Variants in ANKMY1 observed in about 807,000 individuals in gnomAD.
The protein encoded by ANKMY1 is ankyrin repeat and MYND domain containing 1.
In ANKMY1, 98 loss-of-function variants were observed where a neutral mutation model predicts 102.0. The observed-to-expected ratio is 0.96, with a 90% CI of 0.82 to 1.14. The LOEUF (loss-of-function observed/expected upper bound fraction) is 1.14, where lower values mean the gene tolerates loss of function less well. Ranked by LOEUF, ANKMY1 falls within the 50% of genes most tolerant of loss-of-function variation. The pLI, the probability that ANKMY1 is intolerant of heterozygous loss-of-function variation, is 0.00. For synonymous variants in ANKMY1, 582 were observed against 559.9 expected (o/e 1.04, Z -0.56); for missense variants, 1,330 against 1,347.6 (o/e 0.99, Z 0.20).
chr2:240,552,741 CTTTTA>C, intron 4 of ANKMY1, 168 bp downstream of exon 4: 1 of 1,021,408 alleles, frequency 9.8e-7, no homozygotes, highest in Non-Finnish European at 1.4e-6. Context: ...TGCAAGGAGG[CTTTTA>C]TTTTCAGTCT....
At chr2:240,538,961 T>G (rs944374966) in intron 4 of ANKMY1, among the ~76,000 whole-genome samples, 1 of 152,172 alleles carries the variant, frequency 6.6e-6, no homozygotes, top group African/African-American at 2.4e-5. Context: ...CAATCAGCAC[T>G]CTGTGTCTTG....
At position 240,509,054 on chromosome 2, in the gene ANKMY1, G is replaced by A. The variant is rs574413007; in HGVS notation, c.2394+294C>T. ...GGTGGAAGGATGGATGAATGGATGA[G>A]TGGAGGGTAGATGGATGGGTGAGTA... On this transcript the variant is annotated intron_variant, in intron 12 of 17. Transcript: ENST00000401804. Among the ~76,000 whole-genome samples the A allele has an allele frequency of 6.7e-4, 102 of 152,046 alleles. 2 individuals carry two copies. The South Asian group carries it at 0.021, about 31-fold the overall frequency.
At chr2:240,560,517 C>G, upstream of ANKMY1, 1 of 1,082,572 alleles carries the variant, frequency 9.2e-7, no homozygotes, top group East Asian at 3.3e-5. Context: ...CCTGTCCCGG[C>G]CCAGCGCCCG....
At chr2:240,501,713 C>T (rs2078211354) in intron 13 of ANKMY1, among the ~76,000 whole-genome samples, 1 of 152,214 alleles carries the variant, frequency 6.6e-6, no homozygotes, top group Non-Finnish European at 1.5e-5. Context: ...GCACCAGGCA[C>T]AGTGCGGGAC....
intron 15 of ANKMY1, among the ~76,000 whole-genome samples, chr2:240,487,861 T>A (rs2076232906): frequency 6.6e-6 from 1 of 152,234 alleles, no homozygotes; most frequent in South Asian, 2.1e-4. Context: ...GAGTACCCTG[T>A]ATATTCTGAA....
chr2:240,538,606 G>A (rs2087631897), intron 4 of ANKMY1, among the ~76,000 whole-genome samples: 2 of 152,134 alleles, frequency 1.3e-5, no homozygotes, highest in South Asian at 2.1e-4. Context: ...GCCGCCCCCT[G>A]CTCCACAGCT....
intron 4 of ANKMY1, among the ~76,000 whole-genome samples, chr2:240,531,479 T>C (rs2085376342): frequency 6.6e-6 from 1 of 152,208 alleles, no homozygotes; most frequent in Non-Finnish European, 1.5e-5. Flanking sequence ...TTGGAAGAAG[T>C]CAAATATGCA....
At chr2:240,521,491 C>CTTTTT (rs1162330484) in intron 8 of ANKMY1, among the ~76,000 whole-genome samples, 15 of 69,628 alleles carry the variant, frequency 2.2e-4, no homozygotes, top group Admixed American at 3.7e-4. Context: ...GGTGTTACAG[C>CTTTTT]TTTTTTTTTT....
rs561966095 is a variant in ANKMY1 at position 240,525,873 on chromosome 2, C to G, written c.1171-24G>C. 570 of 1,610,082 alleles carry G rather than the reference C, an allele frequency of 3.5e-4. 4 individuals carry two copies. In the South Asian group the frequency reaches 6.0e-3, roughly 17 times the overall value. On this transcript the variant is annotated intron_variant, in intron 6 of 17. Transcript: ENST00000401804. ...GTCTGGAGGGAGATGAGGCAGGACTCAGGATGATGCACCTGGCCCTCAGGG... is the reference window on the plus strand; with the variant it reads ...GTCTGGAGGGAGATGAGGCAGGACTGAGGATGATGCACCTGGCCCTCAGGG...
chr2:240,555,733 C>G lies in ANKMY1; in HGVS notation c.147-678G>C, dbSNP rs550396035. Among the ~76,000 whole-genome samples the G allele has an allele frequency of 7.2e-5, 11 of 151,890 alleles. No individual in the cohort carries two copies. The South Asian group carries it at 2.3e-3, about 32-fold the overall frequency. Reference sequence around the variant, plus strand: ...ATGGGGCGTCTTAGACCATCACAGACGGACGTGGCATCTCAGACCACAAAA... The same window carrying G: ...ATGGGGCGTCTTAGACCATCACAGAGGGACGTGGCATCTCAGACCACAAAA... On this transcript the variant is annotated intron_variant, in intron 2 of 17. Transcript: ENST00000401804.
At chr2:240,532,554 G>A (rs1269133488) in intron 4 of ANKMY1, among the ~76,000 whole-genome samples, 1 of 152,154 alleles carries the variant, frequency 6.6e-6, no homozygotes, top group East Asian at 1.9e-4. Flanking sequence ...GACAATACCT[G>A]GGTAAGTCTA....
intron 9 of ANKMY1, chr2:240,519,716 G>A (rs2081822828): frequency 5.5e-6 from 1 of 182,382 alleles, no homozygotes; most frequent in Non-Finnish European, 1.2e-5. Context: ...AGCCCATAAA[G>A]CCCTGAGTCC....
rs2080499551 is a variant in ANKMY1, at chr2:240,512,857, A to C, written c.2090T>G (p.Ile697Ser). 6.2e-7 allele frequency: 1 copy of C among 1,614,102 alleles called. No individual in the cohort carries two copies. The highest frequency in any genetic ancestry group is 8.5e-7 in the Non-Finnish European group (1 of 1,180,018). ...VQIVELLLHAITDVDAKASDE... is the reference protein window; with the variant it reads ...VQIVELLLHASTDVDAKASDE... ...GGATGCCTTGGCGTCCACATCGGTG[A>C]TGGCATGCAACAGCAGCTCCACAAT... The change falls in exon 10 of 18, where the codon ATC (isoleucine) becomes AGC (serine). Residue 697 changes from isoleucine (I) to serine (S), a missense_variant. Ile to Ser is a moderately radical substitution (Grantham distance 142). Coordinates refer to ENST00000401804, the MANE Select transcript of ANKMY1 (RefSeq NM_001282771.3).
At chr2:240,539,957 T>C (rs751503233) in intron 4 of ANKMY1, among the ~76,000 whole-genome samples, 1 of 152,110 alleles carries the variant, frequency 6.6e-6, no homozygotes. Context: ...AATGTTAAAA[T>C]AGAGACCAGA....
At chr2:240,480,697 TG>T (rs2075280553) in intron 17 of ANKMY1, among the ~76,000 whole-genome samples, 1 of 152,030 alleles carries the variant, frequency 6.6e-6, no homozygotes, top group South Asian at 2.1e-4. Flanking sequence ...AGGGATGGGG[TG>T]GTGTCCCCTT....
At position 240,529,487 on chromosome 2, in the gene ANKMY1, C is replaced by A. The variant is rs373104774; in HGVS notation, c.503G>T (p.Arg168Leu). Reference sequence around the variant, plus strand: ...GTAGGTCTCGACACCTGGCCCAAACCGCTGGTCCGCTTTGTATAGCCCCTG... The same window carrying A: ...GTAGGTCTCGACACCTGGCCCAAACAGCTGGTCCGCTTTGTATAGCCCCTG... ...LFQGLYKADQ[R>L]FGPGVETYPD... Residue 168 changes from arginine (R) to leucine (L), a missense_variant, in exon 5 of 18, where the codon CGG (arginine) becomes CTG (leucine). Coordinates refer to ENST00000401804, the MANE Select transcript of ANKMY1 (RefSeq NM_001282771.3). This position sits in a 1 kb window ranked among gnomAD's most constrained non-coding sequence, Gnocchi z 4.2. 1 of 1,613,182 alleles carries A rather than the reference C, an allele frequency of 6.2e-7. No homozygotes were observed. The highest frequency in any genetic ancestry group is 1.3e-5 in the African/African-American group (1 of 74,890).
rs142597276 is a variant in ANKMY1 at position 240,519,260 on chromosome 2, C to T, written c.2004+1102G>A. On this transcript the variant is annotated intron_variant, in intron 9 of 17. Coordinates refer to ENST00000401804, the MANE Select transcript of ANKMY1 (RefSeq NM_001282771.3). ...AGTGTGGATGGGTGGATGCACTGAA[C>T]GGAAAATTGTGATGGGGTTGGTCTA... Among the ~76,000 whole-genome samples the T allele has an allele frequency of 2.5e-4, 38 of 152,142 alleles. No individual in the cohort carries two copies. In the East Asian group the frequency reaches 3.7e-3, roughly 15 times the overall value.
At chr2:240,479,134 G>A (rs1046979267), downstream of ANKMY1, among the ~76,000 whole-genome samples, 2 of 152,174 alleles carry the variant, frequency 1.3e-5, no homozygotes, top group African/African-American at 2.4e-5. Context: ...AACGAGCACC[G>A]CAAACCCCAG....
At chr2:240,513,295 C>A (rs536816010) in intron 9 of ANKMY1, among the ~76,000 whole-genome samples, 4 of 152,338 alleles carry the variant, frequency 2.6e-5, no homozygotes, top group African/African-American at 9.6e-5. Flanking sequence ...AACAGCCGTG[C>A]AGCTCCTGAG....
Sources: gnomAD v4.1 joint callset for allele counts (sites outside exome capture counted in the v4.1 genomes callset) on GRCh38, gnomAD v4.1.1 for gene constraint, Gnocchi (gnomAD v3.1) non-coding constraint, MANE v1.5 for transcripts, NCBI Gene and HGNC (gene_info 2026-07-23, HGNC 2026-07-21) for gene names.